ADAMTSL1: variants seen among roughly 807,000 people sequenced by gnomAD.
The protein encoded by ADAMTSL1 is ADAMTS-like protein 1.
ADAMTSL1 carries 126 observed loss-of-function variants against 201.8 expected under a neutral mutation model. That is an observed-to-expected ratio of 0.62 (90% CI 0.54 to 0.72). The LOEUF is 0.72. ADAMTSL1 is among the 30% of genes least tolerant of loss of function. The pLI is 0.00. For missense variants in ADAMTSL1, 2,679 were observed against 2,277.8 expected, an observed-to-expected ratio of 1.18 and a Z score of -3.59; for synonymous variants, 1,121 against 903.4, an observed-to-expected ratio of 1.24 and a Z score of -4.32.
At chr9:18,877,026 T>C (rs1402543505) in intron 23 of ADAMTSL1, among the ~76,000 whole-genome samples, 2 of 152,226 alleles carry the variant, frequency 1.3e-5, no homozygotes, top group Non-Finnish European at 2.9e-5. Flanking sequence ...CATCTACTTG[T>C]TTTATTCTGT....
intron 1 of ADAMTSL1, among the ~76,000 whole-genome samples, chr9:18,086,334 A>G (rs1043325741): frequency 6.6e-6 from 1 of 152,154 alleles, no homozygotes; most frequent in Non-Finnish European, 1.5e-5. Flanking sequence ...TAAGAGACTA[A>G]CCTTAAATAA....
At chr9:17,919,589 T>G (rs1423406417) in intron 1 of ADAMTSL1, among the ~76,000 whole-genome samples, 1 of 152,138 alleles carries the variant, frequency 6.6e-6, no homozygotes, top group Non-Finnish European at 1.5e-5. Context: ...CTTTTGTGAC[T>G]GTCTGATTTC....
At chr9:18,819,644 C>T (rs987582496) in intron 21 of ADAMTSL1, among the ~76,000 whole-genome samples, 2 of 152,206 alleles carry the variant, frequency 1.3e-5, no homozygotes, top group East Asian at 1.9e-4. Context: ...CAGAGGCTCA[C>T]TTGATAACCT....
intron 2 of ADAMTSL1, among the ~76,000 whole-genome samples, chr9:18,466,585 A>G (rs1209526254): frequency 5.3e-5 from 8 of 152,180 alleles, no homozygotes; most frequent in Non-Finnish European, 1.2e-4. Flanking sequence ...AATGTTCAAA[A>G]CATAATGTTG....
intron 7 of ADAMTSL1, among the ~76,000 whole-genome samples, chr9:18,654,124 G>A (rs1313655541): frequency 6.6e-6 from 1 of 152,226 alleles, no homozygotes; most frequent in Admixed American, 6.5e-5. Context: ...AGCTACTCAG[G>A]AGGTTGAGGC....
intron 19 of ADAMTSL1, among the ~76,000 whole-genome samples, chr9:18,785,092 A>T (rs902569279): frequency 3.3e-5 from 5 of 151,708 alleles, no homozygotes; most frequent in Non-Finnish European, 7.4e-5. Context: ...TGAACGCAGG[A>T]GGTGGAGGTT....
intron 13 of ADAMTSL1, among the ~76,000 whole-genome samples, chr9:18,689,761 T>C (rs1831100156): frequency 6.6e-6 from 1 of 152,340 alleles, no homozygotes; most frequent in Admixed American, 6.5e-5. Flanking sequence ...TATCCAGATA[T>C]TCCCTTGTTA....
chr9:18,307,232 T>A (rs1833945113), intron 2 of ADAMTSL1, among the ~76,000 whole-genome samples: 1 of 151,984 alleles, frequency 6.6e-6, no homozygotes, highest in South Asian at 2.1e-4. Flanking sequence ...TACCAGCCAC[T>A]GCAAAAACAT....
intron 2 of ADAMTSL1, among the ~76,000 whole-genome samples, chr9:18,409,383 C>CAAAAAAAA (rs781106126): frequency 1.3e-5 from 1 of 77,184 alleles, no homozygotes; most frequent in Non-Finnish European, 2.6e-5. Flanking sequence ...AACTCCGTCT[C>CAAAAAAAA]AAAAAAAAAA....
chr9:18,358,288 G>C (rs537727627), intron 2 of ADAMTSL1, among the ~76,000 whole-genome samples: 13 of 152,168 alleles, frequency 8.5e-5, no homozygotes, highest in Non-Finnish European at 1.6e-4. Context: ...ATGATAGTTG[G>C]AGTCAATTAT....
intron 2 of ADAMTSL1, among the ~76,000 whole-genome samples, chr9:18,286,090 TTAAA>T (rs1469530031): frequency 1.3e-5 from 2 of 152,112 alleles, no homozygotes; most frequent in African/African-American, 4.8e-5. Flanking sequence ...TAAGTACTGT[TTAAA>T]TAAGAAAAGA....
At chr9:18,576,802 G>C (rs950653361) in intron 4 of ADAMTSL1, among the ~76,000 whole-genome samples, 1 of 152,048 alleles carries the variant, frequency 6.6e-6, no homozygotes, top group Non-Finnish European at 1.5e-5. Flanking sequence ...CCATTTTTGA[G>C]TGACTACCGT....
chr9:18,355,779 G>C (rs1425841319), intron 2 of ADAMTSL1, among the ~76,000 whole-genome samples: 2 of 152,188 alleles, frequency 1.3e-5, no homozygotes, highest in African/African-American at 2.4e-5. Context: ...GGCCAAGGTG[G>C]GAGGACTGCT....
chr9:18,291,875 G>A (rs1833288002), intron 2 of ADAMTSL1, among the ~76,000 whole-genome samples: 1 of 151,984 alleles, frequency 6.6e-6, no homozygotes, highest in South Asian at 2.1e-4. Flanking sequence ...TCTGGTGAGA[G>A]TCTGGCCCTT....
At chr9:18,215,974 C>G (rs547442907) in intron 2 of ADAMTSL1, among the ~76,000 whole-genome samples, 2 of 152,142 alleles carry the variant, frequency 1.3e-5, no homozygotes, top group Non-Finnish European at 2.9e-5. Flanking sequence ...AGCCTCAAAC[C>G]TTCGTAAAGA....
chr9:18,241,409 T>C (rs1024289883), intron 2 of ADAMTSL1, among the ~76,000 whole-genome samples: 5 of 152,188 alleles, frequency 3.3e-5, no homozygotes, highest in Non-Finnish European at 5.9e-5. Context: ...TTAAGCTTCC[T>C]AGTCTTGCTC....
At chr9:18,062,972 T>A (rs1822528425) in intron 1 of ADAMTSL1, among the ~76,000 whole-genome samples, 1 of 152,166 alleles carries the variant, frequency 6.6e-6, no homozygotes, top group African/African-American at 2.4e-5. Flanking sequence ...CCAAGAAAAA[T>A]TAACTTTATT....
rs551300518 is a variant in ADAMTSL1 at position 18,112,085 on chromosome 9, C to A, written c.88-51777C>A. 8.2e-4 allele frequency among the ~76,000 whole-genome samples: 125 copies of A among 152,212 alleles called. 1 individual carries two copies. Among genetic ancestry groups the A allele is most frequent in the African/African-American group, 3.0e-3 (123 of 41,552 alleles). ...CCACACTTATGTAGTAGAGGTTTATCCATTCATTCAGCACACTTATTTAGT... is the reference window on the plus strand; with the variant it reads ...CCACACTTATGTAGTAGAGGTTTATACATTCATTCAGCACACTTATTTAGT... On this transcript the variant is annotated intron_variant, in intron 1 of 29. Transcript: ENST00000680146.
At chr9:18,737,305 G>A (rs1266953838) in intron 15 of ADAMTSL1, among the ~76,000 whole-genome samples, 1 of 110,268 alleles carries the variant, frequency 9.1e-6, no homozygotes, top group African/African-American at 3.4e-5. Flanking sequence ...CCCAACAAGA[G>A]TGAAACTCTG....
Sources: allele counts gnomAD v4.1 joint callset (sites outside exome capture counted in the v4.1 genomes callset), GRCh38; gene constraint gnomAD v4.1.1; transcripts MANE v1.5; gene names NCBI Gene and HGNC (gene_info 2026-07-23, HGNC 2026-07-21).